The following NF1 variants were observed in gnomAD, a reference collection of about 807,000 sequenced individuals.
NF1 encodes neurofibromin 1.
A neutral mutation model predicts 325.7 loss-of-function variants in NF1; 122 were observed. The ratio of observed to expected loss-of-function variants is 0.37; its 90% CI spans 0.32 to 0.44. The LOEUF (loss-of-function observed/expected upper bound fraction) is 0.44, where lower values mean the gene tolerates loss of function less well. NF1 is among the 20% of genes least tolerant of loss of function. The pLI, the probability that NF1 is intolerant of heterozygous loss-of-function variation, is 1.00. For synonymous variants in NF1, 1,091 were observed against 1,186.0 expected, an observed-to-expected ratio of 0.92 and a Z score of 1.65; for missense variants, 2,140 against 3,415.4, an observed-to-expected ratio of 0.63 and a Z score of 9.31.
intron 36 of NF1, among the ~76,000 whole-genome samples, chr17:31,291,148 T>A (rs1387136876): frequency 1.3e-5 from 2 of 152,214 alleles, no homozygotes; most frequent in Non-Finnish European, 2.9e-5. Flanking sequence ...AGAATTGCCT[T>A]AATCTGTAAA....
At chr17:31,263,690 C>T (rs1308033616) in intron 35 of NF1, among the ~76,000 whole-genome samples, 2 of 151,200 alleles carry the variant, frequency 1.3e-5, no homozygotes, top group Non-Finnish European at 2.9e-5. Flanking sequence ...GTATCTGGTA[C>T]TTGTAAAGTA....
In NF1 at chr17:31,376,694, G is replaced by A. The variant is rs1464867889; in HGVS notation, c.*2539G>A. The A allele has an allele frequency of 4.3e-6, 1 of 232,940 alleles. No homozygotes were observed. Among genetic ancestry groups the A allele is most frequent in the Non-Finnish European group, 8.5e-6 (1 of 117,964 alleles). The allele number at this position is 232,940 out of a possible 1,614,324, so 14.4% of individuals were successfully genotyped here. ...GCCCATTTCTGCGTAATTGACATAA[G>A]TTCTGTTAAAAATATTATAAGTAAT... On this transcript the variant is annotated 3_prime_UTR_variant, in exon 58 of 58. Coordinates refer to ENST00000358273, the MANE Select transcript of NF1 (RefSeq NM_001042492.3).
At position 31,336,299 on chromosome 17, in the gene NF1, G is replaced by T. The variant is rs189661738; in HGVS notation, c.6007-34G>T. 2.5e-6 allele frequency: 4 copies of T among 1,607,988 alleles called. No homozygotes were observed. Among genetic ancestry groups the T allele is most frequent in the Admixed American group, 3.3e-5 (2 of 59,990 alleles). On this transcript the variant is annotated intron_variant, in intron 40 of 57. Transcript: ENST00000358273. The surrounding 1 kb of genome is among the most constrained non-coding windows in gnomAD (Gnocchi z 5.5). ...TAATTAAAAATTAAATTGGTAGAGT[G>T]ATTAAAAACATGTTATTTTCCTTCT... is the stretch of plus-strand genomic sequence containing the variant.
chr17:31,358,296 GAC>G lies in NF1; in HGVS notation c.7971-174_7971-173del, dbSNP rs1307547622. 8.0e-6 allele frequency: 5 copies of G among 626,964 alleles called. No individual in the cohort carries two copies. In the Admixed American group the frequency reaches 1.4e-4, roughly 18 times the overall value. The allele number at this position is 626,964 out of a possible 1,614,324, so 38.8% of individuals were successfully genotyped here. A position where few individuals can be genotyped will look rare whatever the true frequency, so the allele number is the denominator to read the frequency against. ...TAAAAACAAAAGACAAACAAAAACA[GAC>G]ACACACACATGTTCATTGTAGAAAA... is the stretch of plus-strand genomic sequence containing the variant. On this transcript the variant is annotated intron_variant, in intron 54 of 57. Coordinates refer to ENST00000358273, the MANE Select transcript of NF1 (RefSeq NM_001042492.3).
rs532065812 is a variant in NF1 at position 31,255,577 on chromosome 17, T to TGTC, written c.4173+2579_4173+2581dup. 3.2e-3 allele frequency among the ~76,000 whole-genome samples: 493 copies of TGTC among 152,330 alleles called. 2 individuals are homozygous for TGTC. The highest frequency in any genetic ancestry group is 0.011 in the African/African-American group (470 of 41,576). On this transcript the variant is annotated intron_variant, in intron 31 of 57. Coordinates refer to ENST00000358273, the MANE Select transcript of NF1 (RefSeq NM_001042492.3). ...CATGAGACAGTATGTGTTCCTGAGG[T>TGTC]GTCGATATTTTGGGTTTTGACATGA...
chr17:31,135,291 C>T (rs1369647305), intron 1 of NF1, among the ~76,000 whole-genome samples: 1 of 152,148 alleles, frequency 6.6e-6, no homozygotes, highest in African/African-American at 2.4e-5. Flanking sequence ...AGTCCTGTAT[C>T]ATCATGTAGT....
chr17:31,171,353 C>T (rs998490388), intron 5 of NF1, among the ~76,000 whole-genome samples: 3 of 152,118 alleles, frequency 2.0e-5, no homozygotes, highest in African/African-American at 4.8e-5. Context: ...TATTATTAAG[C>T]GTTGAGCAGT....
intron 39 of NF1, chr17:31,330,892 G>A (rs1428595593): frequency 5.5e-6 from 1 of 182,714 alleles, no homozygotes; most frequent in Admixed American, 5.6e-5. Flanking sequence ...TCTTTAGGTT[G>A]ACTTTGAACA....
chr17:31,281,026 C>T (rs2068108930), intron 36 of NF1, among the ~76,000 whole-genome samples: 1 of 151,864 alleles, frequency 6.6e-6, no homozygotes, highest in Non-Finnish European at 1.5e-5. Flanking sequence ...CATGTAGCAC[C>T]CAATCATATA....
intron 5 of NF1, among the ~76,000 whole-genome samples, chr17:31,177,140 T>G (rs577745970): frequency 6.6e-6 from 1 of 152,276 alleles, no homozygotes; most frequent in South Asian, 2.1e-4. Context: ...TCGATGAGCA[T>G]GGAATGTTTT....
intron 36 of NF1, chr17:31,314,335 C>G (rs2068966910): frequency 4.6e-6 from 1 of 215,152 alleles, no homozygotes; most frequent in Non-Finnish European, 9.1e-6. Context: ...ATTACATGTT[C>G]TAAGAAGAAA....
intron 30 of NF1, chr17:31,252,333 A>G: frequency 4.9e-6 from 1 of 204,812 alleles, no homozygotes; most frequent in Non-Finnish European, 1.0e-5. Flanking sequence ...TTCAGGAAGT[A>G]GCCTGCAAAC....
At chr17:31,178,228 A>G (rs1415716897) in intron 5 of NF1, among the ~76,000 whole-genome samples, 1 of 152,232 alleles carries the variant, frequency 6.6e-6, no homozygotes, top group Non-Finnish European at 1.5e-5. Context: ...ATTCTTAAAG[A>G]AAAGAATTTT....
At chr17:31,110,823 G>A (rs1913334665) in intron 1 of NF1, among the ~76,000 whole-genome samples, 1 of 152,020 alleles carries the variant, frequency 6.6e-6, no homozygotes, top group Non-Finnish European at 1.5e-5. Context: ...GTCTTTATTT[G>A]TAGTTTAATT....
intron 1 of NF1, among the ~76,000 whole-genome samples, chr17:31,125,936 T>G (rs986348606): frequency 2.0e-5 from 3 of 152,204 alleles, no homozygotes; most frequent in African/African-American, 7.2e-5. Flanking sequence ...TAGAATTGTT[T>G]CTTTAAAAAA....
chr17:31,148,477 C>A (rs1176108816), intron 1 of NF1, among the ~76,000 whole-genome samples: 2 of 149,824 alleles, frequency 1.3e-5, no homozygotes, highest in Non-Finnish European at 3.0e-5. Flanking sequence ...AATGGTCGTT[C>A]AAGATTACAA....
chr17:31,226,973 G>A (rs1053150202), intron 18 of NF1, among the ~76,000 whole-genome samples: 2 of 152,194 alleles, frequency 1.3e-5, no homozygotes, highest in African/African-American at 4.8e-5. Context: ...AGATAGTGAA[G>A]TTTTACAAAC....
At position 31,374,298 on chromosome 17, in the gene NF1, G is replaced by C. The variant is rs2070700943; in HGVS notation, c.*143G>C. The C allele has an allele frequency of 3.7e-6, 4 of 1,070,106 alleles. No homozygotes were observed. The highest frequency in any genetic ancestry group is 5.7e-6 in the Non-Finnish European group (4 of 706,516). 66.3% of individuals were successfully genotyped at this position (1,070,106 alleles called of 1,614,324 possible). On this transcript the variant is annotated 3_prime_UTR_variant, in exon 58 of 58. Transcript: ENST00000358273. ...ACCCATCCGGTTTGCCATGTTGCCAGATGATCAACTCTTCGAAGCCTTGCC... is the reference window on the plus strand; with the variant it reads ...ACCCATCCGGTTTGCCATGTTGCCACATGATCAACTCTTCGAAGCCTTGCC...
At chr17:31,296,839 A>G (rs1433627960) in intron 36 of NF1, 1 of 159,638 alleles carries the variant, frequency 6.3e-6, no homozygotes, top group African/African-American at 2.4e-5. Context: ...TCGAAATTTT[A>G]TCTGTATGTT....
Sources: allele counts gnomAD v4.1 joint callset (sites outside exome capture counted in the v4.1 genomes callset), GRCh38; gene constraint gnomAD v4.1.1; non-coding constraint Gnocchi (gnomAD v3.1); transcripts MANE v1.5; gene names NCBI Gene and HGNC (gene_info 2026-07-23, HGNC 2026-07-21).